The following MYO7B variants were observed in gnomAD, a reference collection of about 807,000 sequenced individuals.
MYO7B encodes the protein unconventional myosin-VIIb.
A neutral mutation model predicts 259.7 loss-of-function variants in MYO7B; 212 were observed. The observed-to-expected ratio is 0.82, with a 90% CI of 0.73 to 0.91. The LOEUF (loss-of-function observed/expected upper bound fraction) is 0.91, where lower values mean the gene tolerates loss of function less well. MYO7B is among the 40% of genes least tolerant of loss of function. MYO7B has a pLI of 0.00. For synonymous variants in MYO7B, 1,197 were observed against 1,166.4 expected (o/e 1.03, Z -0.54); for missense variants, 2,732 against 2,813.5 (o/e 0.97, Z 0.66).
Position 127,613,019 on chromosome 2 carries a change from G to A in MYO7B, c.3398+416G>A, listed in dbSNP as rs916437509. Among the ~76,000 whole-genome samples, 7 of 152,244 alleles carry A rather than the reference G, an allele frequency of 4.6e-5. No homozygotes were observed. Among genetic ancestry groups the A allele is most frequent in the Non-Finnish European group, 8.8e-5 (6 of 68,048 alleles). On this transcript the variant is annotated intron_variant, in intron 26 of 47. Transcript: ENST00000409816. This position sits in a 1 kb window ranked among gnomAD's most constrained non-coding sequence, Gnocchi z 4.3. Reference sequence around the variant, plus strand: ...GTTCCCATCCGTGTTGGCTGAATGCGTAGAAGCAGAATCCGAACATGCAGA... The same window carrying A: ...GTTCCCATCCGTGTTGGCTGAATGCATAGAAGCAGAATCCGAACATGCAGA...
chr2:127,633,173 C>A, intron 39 of MYO7B, 85 bp from the exon 40 acceptor site: 3 of 1,050,474 alleles, frequency 2.9e-6, no homozygotes, highest in South Asian at 1.5e-5. Context: ...GTTTCTGGCA[C>A]ATGGTTTAGG....
chr2:127,553,608 G>C (rs1693533645), intron 1 of MYO7B, among the ~76,000 whole-genome samples: 1 of 152,070 alleles, frequency 6.6e-6, no homozygotes, highest in Admixed American at 6.5e-5. Context: ...CATTAATTTT[G>C]TATCCCGAAA....
intron 28 of MYO7B, among the ~76,000 whole-genome samples, chr2:127,622,680 C>T (rs373401216): frequency 2.6e-5 from 4 of 152,232 alleles, no homozygotes; most frequent in East Asian, 3.8e-4. Flanking sequence ...GGGTCACTTC[C>T]GCTGCACCTT....
chr2:127,571,458 TTGC>T (rs1226903932), intron 6 of MYO7B, among the ~76,000 whole-genome samples: 2 of 140,118 alleles, frequency 1.4e-5, no homozygotes, highest in African/African-American at 5.3e-5. Flanking sequence ...TTTTTTTTTT[TTGC>T]TTGTTTGTTT....
In MYO7B at chr2:127,543,775, C is replaced by T. The variant is rs920384043; in HGVS notation, c.-24+7944C>T. Reference sequence around the variant, plus strand: ...ATATTTTTTTTTTGAGACCGAGTCTCGCTGTGTCACCCAGGCTGGAGTGCA... The same window carrying T: ...ATATTTTTTTTTTGAGACCGAGTCTTGCTGTGTCACCCAGGCTGGAGTGCA... On this transcript the variant is annotated intron_variant, in intron 1 of 47. Transcript: ENST00000409816. Among the ~76,000 whole-genome samples the T allele has an allele frequency of 9.9e-5, 15 of 151,806 alleles. No individual in the cohort carries two copies. The East Asian group carries it at 2.7e-3, about 27-fold the overall frequency.
At position 127,613,120 on chromosome 2, in the gene MYO7B, C is replaced by T. The variant is rs951286892; in HGVS notation, c.3398+517C>T. Among the ~76,000 whole-genome samples the T allele has an allele frequency of 1.3e-5, 2 of 152,182 alleles. No homozygotes were observed. The highest frequency in any genetic ancestry group is 4.8e-5 in the African/African-American group (2 of 41,456). On this transcript the variant is annotated intron_variant, in intron 26 of 47. Coordinates refer to ENST00000409816, the MANE Select transcript of MYO7B (RefSeq NM_001393586.1). The surrounding 1 kb of genome is among the most constrained non-coding windows in gnomAD (Gnocchi z 4.3). Reference sequence around the variant, plus strand: ...ACTTACTTTAGGTTAATACTTTTAACAAAATTTGGGAAACTGTTGGTCATT... The same window carrying T: ...ACTTACTTTAGGTTAATACTTTTAATAAAATTTGGGAAACTGTTGGTCATT...
rs76011775 is a variant in MYO7B at position 127,566,142 on chromosome 2, T to C, written c.286-501T>C. Among the ~76,000 whole-genome samples the C allele has an allele frequency of 4.1e-3, 625 of 152,296 alleles. 16 individuals carry two copies. The East Asian group carries it at 0.06, about 15-fold the overall frequency. On this transcript the variant is annotated intron_variant, in intron 4 of 47. Transcript: ENST00000409816. Reference sequence around the variant, plus strand: ...AGTGAAAACCAGGACACCATGGTCATGTGGCTTATTGTGCAGGCTCTGCCT... The same window carrying C: ...AGTGAAAACCAGGACACCATGGTCACGTGGCTTATTGTGCAGGCTCTGCCT...
chr2:127,588,782 G>A (rs1679408905), intron 15 of MYO7B, among the ~76,000 whole-genome samples: 3 of 145,668 alleles, frequency 2.1e-5, no homozygotes, highest in Non-Finnish European at 3.1e-5. Flanking sequence ...ATGGATGGGT[G>A]GTGGGTGGGT....
In MYO7B at chr2:127,576,869, G is replaced by A. The variant is rs1370890946; in HGVS notation, c.849+161G>A. Among the ~76,000 whole-genome samples, 1 of 152,036 alleles carries A rather than the reference G, an allele frequency of 6.6e-6. No homozygotes were observed. The highest frequency in any genetic ancestry group is 2.4e-5 in the African/African-American group (1 of 41,392). On this transcript the variant is annotated intron_variant, in intron 8 of 47. Transcript: ENST00000409816. This position sits in a 1 kb window ranked among gnomAD's most constrained non-coding sequence, Gnocchi z 4.9. Reference sequence around the variant, plus strand: ...CTCTCCTCGCCAGCCCCTCTCTGCTGGGAATCACCTTGCCCGCGTGCCTCC... The same window carrying A: ...CTCTCCTCGCCAGCCCCTCTCTGCTAGGAATCACCTTGCCCGCGTGCCTCC...
Position 127,580,802 on chromosome 2 carries a change from A to T in MYO7B, c.1060A>T (p.Thr354Ser). 1 of 1,613,218 alleles carries T rather than the reference A, an allele frequency of 6.2e-7. No homozygotes were observed. Among genetic ancestry groups the T allele is most frequent in the African/African-American group, 1.3e-5 (1 of 75,006 alleles). ...SDVMETPAFP[T>S]VMKLLEVQHQ... ...CGTGATGGAGACGCCCGCCTTTCCCACCGTGATGAAGTTACTGGAGGTAGG... is the reference window on the plus strand; with the variant it reads ...CGTGATGGAGACGCCCGCCTTTCCCTCCGTGATGAAGTTACTGGAGGTAGG... Residue 354 changes from threonine to serine, a missense_variant, in exon 10 of 48, where the codon ACC (threonine) becomes TCC (serine). Thr to Ser is a moderately conservative substitution (Grantham distance 58). Around this residue, in one of 3 missense-constraint regions of MYO7B, gnomAD observed 1,906 missense variants for 2,026.4 expected, o/e 0.94. Transcript: ENST00000409816.
chr2:127,637,199 T>G (rs1681886699), intron 47 of MYO7B, 117 bp from the exon 48 acceptor site: 1 of 925,474 alleles, frequency 1.1e-6, no homozygotes, highest in Non-Finnish European at 1.7e-6. Context: ...GAGCCCGCCT[T>G]CCCTTTCTCC....
In MYO7B at chr2:127,596,486, G is replaced by A; in HGVS notation, c.2269G>A (p.Val757Ile). 3.1e-6 allele frequency: 5 copies of A among 1,613,616 alleles called. No homozygotes were observed. The highest frequency in any genetic ancestry group is 4.2e-6 in the Non-Finnish European group (5 of 1,179,728). The change falls in exon 19 of 48, where the codon GTA (valine) becomes ATA (isoleucine). Residue 757 changes from valine to isoleucine, a missense_variant. Physicochemically the swap from Val to Ile is conservative, Grantham distance 29. Coordinates refer to ENST00000409816, the MANE Select transcript of MYO7B (RefSeq NM_001393586.1). Reference sequence around the variant, plus strand: ...GGATCATCAGGACACTCTGCTGGAGGTACAGAGAAGCCAGGTGCTAGACAG... The same window carrying A: ...GGATCATCAGGACACTCTGCTGGAGATACAGAGAAGCCAGGTGCTAGACAG... ...LRDHQDTLLEVQRSQVLDRAA... is the reference protein window; with the variant it reads ...LRDHQDTLLEIQRSQVLDRAA...
chr2:127,616,733 C>T lies in MYO7B; in HGVS notation c.3399-3607C>T, dbSNP rs555578542. On this transcript the variant is annotated intron_variant, in intron 26 of 47. Coordinates refer to ENST00000409816, the MANE Select transcript of MYO7B (RefSeq NM_001393586.1). The stretch of plus-strand genomic sequence containing the variant: ...GAGGGAATTAATGTGCCTCCGGAGA[C>T]CCACCCCTGAAGCAGAGCTGTGGCC... 9.0e-4 allele frequency among the ~76,000 whole-genome samples: 137 copies of T among 152,322 alleles called. 4 individuals are homozygous for T. In the South Asian group the frequency reaches 0.026, roughly 29 times the overall value.
intron 17 of MYO7B, 108 bp downstream of exon 17, chr2:127,593,054 C>G (rs568285352): frequency 7.2e-7 from 1 of 1,391,350 alleles, no homozygotes; most frequent in East Asian, 2.5e-5. Flanking sequence ...CCTCCCCGGC[C>G]CCAGCCTTGC....
In MYO7B at chr2:127,636,333, T is replaced by C. The variant is rs115299938; in HGVS notation, c.6123+9T>C. On this transcript the variant is annotated intron_variant, in intron 45 of 47. Transcript: ENST00000409816. This position sits in a 1 kb window ranked among gnomAD's most constrained non-coding sequence, Gnocchi z 4.5. ...CCTTCTTCGAGGTGAAGGTAAACCT[T>C]GCCCCACGCCAGGGCCTCCTACCCA... The C allele has an allele frequency of 0.013, 20,617 of 1,610,198 alleles. 181 individuals carry two copies. The highest frequency in any genetic ancestry group is 0.027 in the Middle Eastern group (161 of 6,044).
intron 6 of MYO7B, among the ~76,000 whole-genome samples, chr2:127,571,502 C>T (rs186703937): frequency 5.4e-4 from 36 of 66,264 alleles, no homozygotes; most frequent in African/African-American, 2.0e-4. Flanking sequence ...TTTTTTGAGA[C>T]GGAGTTTCGC....
At chr2:127,572,952 C>A (rs1239751580) in intron 6 of MYO7B, among the ~76,000 whole-genome samples, 3 of 151,228 alleles carry the variant, frequency 2.0e-5, no homozygotes, top group Non-Finnish European at 4.4e-5. Flanking sequence ...AAAAAAACTG[C>A]CTGCATCAGA....
At position 127,636,457 on chromosome 2, in the gene MYO7B, T is replaced by G; in HGVS notation, c.6124-88T>G. The G allele has an allele frequency of 4.9e-6, 7 of 1,429,110 alleles. No homozygotes were observed. The highest frequency in any genetic ancestry group is 6.8e-6 in the Non-Finnish European group (7 of 1,029,320). The allele number at this position is 1,429,110 out of a possible 1,614,324, so 88.5% of individuals were successfully genotyped here. A position where few individuals can be genotyped will look rare whatever the true frequency, so the allele number is the denominator to read the frequency against. ...AGGCTGGAGGGCGTGGGTGTATGTG[T>G]GTATGTGCGTGTGGCCTAGATGAGC... On this transcript the variant is annotated intron_variant, in intron 45 of 47. Coordinates refer to ENST00000409816, the MANE Select transcript of MYO7B (RefSeq NM_001393586.1). This position sits in a 1 kb window ranked among gnomAD's most constrained non-coding sequence, Gnocchi z 4.5.
At chr2:127,543,752 AT>A (rs1254766609) in intron 1 of MYO7B, among the ~76,000 whole-genome samples, 7 of 142,966 alleles carry the variant, frequency 4.9e-5, no homozygotes, top group Non-Finnish European at 7.6e-5. Context: ...ATATATATAT[AT>A]TTTTTTTTTG....
Sources: allele counts gnomAD v4.1 joint callset (sites outside exome capture counted in the v4.1 genomes callset), GRCh38; gene constraint gnomAD v4.1.1; regional missense constraint gnomAD v4.1.1; non-coding constraint Gnocchi (gnomAD v3.1); transcripts MANE v1.5; gene names NCBI Gene and HGNC (gene_info 2026-07-23, HGNC 2026-07-21).